The following VAT1L variants were observed in gnomAD, a reference collection of about 807,000 sequenced individuals.
VAT1L encodes the protein putative NADPH-dependent quinone oxidoreductase VAT1L.
A neutral mutation model predicts 44.1 loss-of-function variants in VAT1L; 34 were observed. The ratio of observed to expected loss-of-function variants is 0.77; its 90% confidence interval spans 0.59 to 1.03. The LOEUF (loss-of-function observed/expected upper bound fraction) is 1.03, where lower values mean the gene tolerates loss of function less well. Among genes scored for constraint, VAT1L ranks in the 50% least tolerant of loss-of-function variants. VAT1L has a pLI of 0.00. For synonymous variants in VAT1L, 253 were observed against 202.2 expected, an observed-to-expected ratio of 1.25 and a Z score of -2.13; for missense variants, 615 against 538.8, an observed-to-expected ratio of 1.14 and a Z score of -1.40.
At chr16:77,877,751 T>C (rs558990235) in intron 5 of VAT1L, among the ~76,000 whole-genome samples, 22 of 151,910 alleles carry the variant, frequency 1.4e-4, no homozygotes, top group Non-Finnish European at 3.1e-4. Flanking sequence ...AAAATAGATA[T>C]TTGAGAGGTA....
chr16:77,800,684 C>G lies in VAT1L; in HGVS notation c.233+11769C>G, dbSNP rs187916061. On this transcript the variant is annotated intron_variant, in intron 1 of 8. Transcript: ENST00000302536. ...TTTCTCCCTGTTCCAGATAGAAAAT[C>G]AGGCTCCCTGCCTGCGCTGTGGCAC... The G allele has an allele frequency of 5.9e-5, 9 of 152,286 alleles. 1 individual carries two copies. The highest frequency in any genetic ancestry group is 2.2e-4 in the African/African-American group (9 of 41,572). 9.4% of individuals were successfully genotyped at this position (152,286 alleles called of 1,614,324 possible). A position where few individuals can be genotyped will look rare whatever the true frequency, so the allele number is the denominator to read the frequency against.
rs2018374087 is a variant in VAT1L at position 77,979,260 on chromosome 16, T to C, written c.*1565T>C. The C allele has an allele frequency of 6.6e-6, 1 of 152,562 alleles. No individual in the cohort carries two copies. The highest frequency in any genetic ancestry group is 1.5e-5 in the Non-Finnish European group (1 of 68,040). The allele number at this position is 152,562 out of a possible 1,614,324, so 9.5% of individuals were successfully genotyped here. A position where few individuals can be genotyped will look rare whatever the true frequency, so the allele number is the denominator to read the frequency against. On this transcript the variant is annotated 3_prime_UTR_variant, in exon 9 of 9. Coordinates refer to ENST00000302536, the MANE Select transcript of VAT1L (RefSeq NM_020927.3). The stretch of plus-strand genomic sequence containing the variant: ...AGAGTTTCTCCTCATTGTGAATGTG[T>C]ATGTAAAATATGAAGACAAGAAAGG...
At chr16:77,923,384 A>C (rs149527197) in intron 7 of VAT1L, among the ~76,000 whole-genome samples, 255 of 152,314 alleles carry the variant, frequency 1.7e-3, no homozygotes, top group African/African-American at 5.7e-3. Context: ...CTGGAGGCAG[A>C]GGTTGCAGTG....
intron 7 of VAT1L, among the ~76,000 whole-genome samples, chr16:77,897,536 T>C (rs1162564710): frequency 1.3e-5 from 2 of 152,188 alleles, no homozygotes; most frequent in Non-Finnish European, 2.9e-5. Context: ...AATGGTGCAA[T>C]CTCGGCTCAC....
chr16:77,797,925 A>G (rs1223483074), intron 1 of VAT1L, among the ~76,000 whole-genome samples: 1 of 152,226 alleles, frequency 6.6e-6, no homozygotes, highest in Non-Finnish European at 1.5e-5. Context: ...CCATGGTATG[A>G]AAATGAGTGA....
At chr16:77,854,826 G>C (rs1487937588) in intron 3 of VAT1L, among the ~76,000 whole-genome samples, 1 of 152,164 alleles carries the variant, frequency 6.6e-6, no homozygotes, top group Non-Finnish European at 1.5e-5. Flanking sequence ...TTTTAGAAGA[G>C]ATATACAAAA....
In VAT1L at chr16:77,842,589, T is replaced by G. The variant is rs544587330; in HGVS notation, c.579+17128T>G. 2.6e-5 allele frequency among the ~76,000 whole-genome samples: 4 copies of G among 152,314 alleles called. No homozygotes were observed. In the East Asian group the frequency reaches 5.8e-4, roughly 22 times the overall value. On this transcript the variant is annotated intron_variant, in intron 3 of 8. Coordinates refer to ENST00000302536, the MANE Select transcript of VAT1L (RefSeq NM_020927.3). ...CATGGCACAAAAGCCCAGGAGAACA[T>G]GATACTTTGAGAGAGCTGTAAGAAT...
chr16:77,840,208 C>T (rs1473225168), intron 3 of VAT1L, among the ~76,000 whole-genome samples: 2 of 152,190 alleles, frequency 1.3e-5, no homozygotes, highest in Non-Finnish European at 2.9e-5. Context: ...GAATCATTAC[C>T]TTGTACACGT....
At chr16:77,961,123 T>C (rs761842512) in intron 7 of VAT1L, among the ~76,000 whole-genome samples, 4 of 152,148 alleles carry the variant, frequency 2.6e-5, no homozygotes, top group African/African-American at 9.7e-5. Flanking sequence ...GCTGTCTGTC[T>C]TTAACCTTGA....
intron 4 of VAT1L, among the ~76,000 whole-genome samples, chr16:77,868,031 T>C (rs1169394524): frequency 6.6e-6 from 1 of 152,200 alleles, no homozygotes; most frequent in Non-Finnish European, 1.5e-5. Context: ...AAGCTTAAAA[T>C]ATCATGAGTC....
chr16:77,968,635 G>C (rs1000538532), intron 7 of VAT1L, among the ~76,000 whole-genome samples: 13 of 152,038 alleles, frequency 8.6e-5, no homozygotes, highest in African/African-American at 3.1e-4. Flanking sequence ...TGAGGCTGGA[G>C]AATGGCATGA....
At chr16:77,842,939 C>T (rs568828634) in intron 3 of VAT1L, among the ~76,000 whole-genome samples, 3 of 152,268 alleles carry the variant, frequency 2.0e-5, no homozygotes, top group South Asian at 2.1e-4. Context: ...GCCTTGCATT[C>T]GTTATTTTAT....
intron 3 of VAT1L, among the ~76,000 whole-genome samples, chr16:77,827,760 G>A (rs954050262): frequency 6.6e-6 from 1 of 152,002 alleles, no homozygotes; most frequent in Non-Finnish European, 1.5e-5. Context: ...ACTGGTTTTG[G>A]GGACCAGAGG....
At chr16:77,946,862 C>T (rs931449034) in intron 7 of VAT1L, among the ~76,000 whole-genome samples, 1 of 152,138 alleles carries the variant, frequency 6.6e-6, no homozygotes, top group Non-Finnish European at 1.5e-5. Context: ...CCAGTGAAGC[C>T]CAGGCTGAAA....
chr16:77,933,336 C>T (rs1017275793), intron 7 of VAT1L, among the ~76,000 whole-genome samples: 1 of 152,156 alleles, frequency 6.6e-6, no homozygotes, highest in African/African-American at 2.4e-5. Flanking sequence ...TTCCTGACTC[C>T]AAAAACTGTA....
chr16:77,866,101 C>T (rs1243506643), intron 4 of VAT1L, among the ~76,000 whole-genome samples: 2 of 152,168 alleles, frequency 1.3e-5, no homozygotes, highest in Admixed American at 6.5e-5. Flanking sequence ...GTTACAGATA[C>T]GTTTACACAA....
intron 7 of VAT1L, among the ~76,000 whole-genome samples, chr16:77,926,186 G>T (rs2017665623): frequency 6.6e-6 from 1 of 150,986 alleles, no homozygotes; most frequent in African/African-American, 2.4e-5. Flanking sequence ...CCGGGAGGCG[G>T]AGCTTGCAGT....
chr16:77,799,639 C>T (rs1279057107), intron 1 of VAT1L, among the ~76,000 whole-genome samples: 2 of 151,848 alleles, frequency 1.3e-5, no homozygotes, highest in African/African-American at 4.8e-5. Context: ...ATAAGAAGCA[C>T]ATGAGACTAT....
intron 1 of VAT1L, among the ~76,000 whole-genome samples, chr16:77,802,489 C>T (rs1286351999): frequency 6.6e-6 from 1 of 152,048 alleles, no homozygotes; most frequent in Non-Finnish European, 1.5e-5. Context: ...GTGGCAGGCG[C>T]CTGTAATCCC....
Sources: gnomAD v4.1 joint callset for allele counts (sites outside exome capture counted in the v4.1 genomes callset) on GRCh38, gnomAD v4.1.1 for gene constraint, MANE v1.5 for transcripts, NCBI Gene and HGNC (gene_info 2026-07-23, HGNC 2026-07-21) for gene names.